FAM107B: variants seen among roughly 807,000 people sequenced by gnomAD.
FAM107B encodes protein FAM107B.
FAM107B carries 21 observed loss-of-function variants against 31.5 expected under a neutral mutation model. The ratio of observed to expected loss-of-function variants is 0.67; its 90% CI spans 0.47 to 0.96. FAM107B has a LOEUF of 0.96. FAM107B is among the 40% of genes least tolerant of loss of function. The pLI is 0.00. For synonymous variants in FAM107B, 157 were observed against 141.5 expected, an observed-to-expected ratio of 1.11 and a Z score of -0.78; for missense variants, 452 against 377.1, an observed-to-expected ratio of 1.20 and a Z score of -1.64.
At chr10:14,568,023 G>A (rs1184647433) in intron 2 of FAM107B, among the ~76,000 whole-genome samples, 2 of 152,188 alleles carry the variant, frequency 1.3e-5, no homozygotes, top group Non-Finnish European at 2.9e-5. Flanking sequence ...GGTGAGCTTT[G>A]ACAAATACTG....
At chr10:14,597,541 C>T (rs1447898482) in intron 2 of FAM107B, among the ~76,000 whole-genome samples, 2 of 152,184 alleles carry the variant, frequency 1.3e-5, no homozygotes, top group East Asian at 3.8e-4. Context: ...CTTTAAAACT[C>T]TCCTGAAGGC....
At chr10:14,630,619 T>C (rs1486078191) in intron 2 of FAM107B, among the ~76,000 whole-genome samples, 1 of 151,048 alleles carries the variant, frequency 6.6e-6, no homozygotes, top group African/African-American at 2.4e-5. Flanking sequence ...AGCCCAGGAG[T>C]TCGAGACCAG....
intron 2 of FAM107B, among the ~76,000 whole-genome samples, chr10:14,625,415 A>G (rs1397836899): frequency 1.3e-5 from 2 of 151,980 alleles, no homozygotes; most frequent in Non-Finnish European, 2.9e-5. Context: ...ACCTCTCCAG[A>G]ACAATGAGCA....
rs574299777 is a variant in FAM107B at position 14,691,966 on chromosome 10, C to T, written c.412-24275G>A. Among the ~76,000 whole-genome samples, 65 of 151,904 alleles carry T rather than the reference C, an allele frequency of 4.3e-4. No homozygotes were observed. The South Asian group carries it at 0.013, about 30-fold the overall frequency. On this transcript the variant is annotated intron_variant, in intron 1 of 4. Coordinates refer to ENST00000181796, the MANE Select transcript of FAM107B (RefSeq NM_031453.4). ...TGCACCTGCATCTGGAGCGAAGACCCCATGCTTCTACCTACATCACTGCAT... is the reference window on the plus strand; with the variant it reads ...TGCACCTGCATCTGGAGCGAAGACCTCATGCTTCTACCTACATCACTGCAT...
intron 2 of FAM107B, among the ~76,000 whole-genome samples, chr10:14,649,620 C>T (rs1853849188): frequency 6.6e-6 from 1 of 152,172 alleles, no homozygotes; most frequent in Non-Finnish European, 1.5e-5. Flanking sequence ...TTTGAATCCA[C>T]CTGTGACCTG....
At chr10:14,764,324 C>G (rs569545100) in intron 1 of FAM107B, among the ~76,000 whole-genome samples, 1 of 152,100 alleles carries the variant, frequency 6.6e-6, no homozygotes, top group Non-Finnish European at 1.5e-5. Flanking sequence ...ACTCATTTGC[C>G]GGGAAGTTTC....
At chr10:14,651,613 A>C (rs1853902060) in intron 2 of FAM107B, among the ~76,000 whole-genome samples, 1 of 152,194 alleles carries the variant, frequency 6.6e-6, no homozygotes, top group African/African-American at 2.4e-5. Context: ...AAAAAACAAA[A>C]CAAAACAGAT....
At chr10:14,684,312 T>C (rs1854920759) in intron 1 of FAM107B, among the ~76,000 whole-genome samples, 1 of 151,862 alleles carries the variant, frequency 6.6e-6, no homozygotes, top group Non-Finnish European at 1.5e-5. Context: ...ATTAGCCAGG[T>C]GTGGTGGTGC....
chr10:14,539,038 T>C (rs1359947222), intron 2 of FAM107B, among the ~76,000 whole-genome samples: 1 of 152,256 alleles, frequency 6.6e-6, no homozygotes, highest in Non-Finnish European at 1.5e-5. Context: ...ACGTGGCAGA[T>C]GCTCAACAAA....
At chr10:14,692,475 A>T (rs889131091) in intron 1 of FAM107B, among the ~76,000 whole-genome samples, 2 of 152,204 alleles carry the variant, frequency 1.3e-5, no homozygotes, top group African/African-American at 4.8e-5. Context: ...GGTTTTTATC[A>T]GTGGCAAGCA....
intron 1 of FAM107B, among the ~76,000 whole-genome samples, chr10:14,743,293 C>G (rs184080418): frequency 1.3e-4 from 20 of 152,158 alleles, no homozygotes; most frequent in Non-Finnish European, 2.6e-4. Context: ...AATTTTTTCT[C>G]CCATTCTGCA....
At chr10:14,636,808 T>A (rs1853511315) in intron 2 of FAM107B, among the ~76,000 whole-genome samples, 1 of 152,196 alleles carries the variant, frequency 6.6e-6, no homozygotes, top group Non-Finnish European at 1.5e-5. Flanking sequence ...GAACTCCAAG[T>A]CATTATGGCT....
chr10:14,771,474 A>T (rs56369028), intron 1 of FAM107B, among the ~76,000 whole-genome samples: 5,574 of 152,272 alleles, frequency 0.037, 304 homozygotes, highest in African/African-American at 0.12. Context: ...GCTAGAAGAC[A>T]GGAATTGTAA....
At chr10:14,737,240 G>T (rs923868250) in intron 1 of FAM107B, among the ~76,000 whole-genome samples, 6 of 151,998 alleles carry the variant, frequency 3.9e-5, no homozygotes, top group African/African-American at 1.2e-4. Context: ...GGGGGAGTTG[G>T]GATGATATGG....
intron 2 of FAM107B, among the ~76,000 whole-genome samples, chr10:14,621,557 A>G (rs1853010717): frequency 6.6e-6 from 1 of 152,122 alleles, no homozygotes; most frequent in African/African-American, 2.4e-5. Flanking sequence ...AGTGAAGACA[A>G]GGAATTAAAG....
intron 2 of FAM107B, among the ~76,000 whole-genome samples, chr10:14,530,816 C>G (rs1846899939): frequency 6.6e-6 from 1 of 152,216 alleles, no homozygotes. Context: ...TCCTGCCACC[C>G]TGTCTCCATA....
intron 2 of FAM107B, chr10:14,548,645 G>T: frequency 1.0e-6 from 1 of 985,432 alleles, no homozygotes; most frequent in Non-Finnish European, 1.2e-6. Flanking sequence ...TGCGAAGGCA[G>T]GCACTCCCAG....
chr10:14,745,611 T>C (rs1462474645), intron 1 of FAM107B, among the ~76,000 whole-genome samples: 1 of 152,194 alleles, frequency 6.6e-6, no homozygotes, highest in Non-Finnish European at 1.5e-5. Context: ...TTGTGTGGTT[T>C]TGAGTGAGTT....
intron 2 of FAM107B, among the ~76,000 whole-genome samples, chr10:14,661,044 C>T (rs1457046188): frequency 6.6e-6 from 1 of 152,122 alleles, no homozygotes; most frequent in Non-Finnish European, 1.5e-5. Flanking sequence ...CCTTCCACTT[C>T]GCCCTCTTCC....
Sources: gnomAD v4.1 joint callset for allele counts (sites outside exome capture counted in the v4.1 genomes callset) on GRCh38, gnomAD v4.1.1 for gene constraint, MANE v1.5 for transcripts, NCBI Gene and HGNC (gene_info 2026-07-23, HGNC 2026-07-21) for gene names.